The following TNS1 variants were observed in gnomAD, a reference collection of about 807,000 sequenced individuals.
TNS1 encodes the protein tensin 1.
Under a neutral mutation model 168.6 loss-of-function variants are expected in TNS1, and 62 were observed. That is an observed-to-expected ratio of 0.37 (90% confidence interval 0.30 to 0.45). The LOEUF (loss-of-function observed/expected upper bound fraction) is 0.45, where lower values mean the gene tolerates loss of function less well. Among genes scored for constraint, TNS1 ranks in the 20% least tolerant of loss-of-function variants. The pLI is 1.00. For missense variants in TNS1, 2,240 were observed against 2,339.4 expected (o/e 0.96, Z 0.88); for synonymous variants, 934 against 933.2 (o/e 1.00, Z -0.02).
At chr2:217,906,161 C>A (rs1267763032) in intron 6 of TNS1, among the ~76,000 whole-genome samples, 174 bp downstream of exon 6, 2 of 152,216 alleles carry the variant, frequency 1.3e-5, no homozygotes, top group Non-Finnish European at 2.9e-5. Context: ...GAGGCAGCAC[C>A]AAAGGCTGAG....
chr2:217,890,857 C>T, intron 12 of TNS1, 105 bp downstream of exon 12: 1 of 1,284,938 alleles, frequency 7.8e-7, no homozygotes, highest in Non-Finnish European at 1.1e-6. Context: ...CTGGTACACC[C>T]CCACCTAGGC....
At chr2:218,002,535 A>T (rs1356955887) in intron 1 of TNS1, among the ~76,000 whole-genome samples, 2 of 142,304 alleles carry the variant, frequency 1.4e-5, no homozygotes, top group Non-Finnish European at 3.1e-5. Flanking sequence ...CTCTAAAGAG[A>T]AGCAAACTTC....
intron 2 of TNS1, among the ~76,000 whole-genome samples, chr2:217,984,281 G>A (rs1958133811): frequency 6.6e-6 from 1 of 152,202 alleles, no homozygotes; most frequent in Admixed American, 6.5e-5. Context: ...GGGGGACATG[G>A]TGTGGCTCTG....
intron 1 of TNS1, among the ~76,000 whole-genome samples, chr2:218,031,941 C>T (rs1335303170): frequency 6.6e-6 from 1 of 152,238 alleles, no homozygotes; most frequent in Non-Finnish European, 1.5e-5. Context: ...GCTCCCGCCC[C>T]ATCCACAAGC....
intron 3 of TNS1, among the ~76,000 whole-genome samples, chr2:217,922,250 G>A (rs1462876465): frequency 1.3e-5 from 2 of 152,190 alleles, no homozygotes; most frequent in Non-Finnish European, 2.9e-5. Context: ...CTCAGCTACG[G>A]GGGACACTGC....
intron 12 of TNS1, among the ~76,000 whole-genome samples, chr2:217,888,005 C>T (rs1328418438): frequency 2.0e-5 from 3 of 152,228 alleles, no homozygotes; most frequent in African/African-American, 7.2e-5. Context: ...ATAAGATCCC[C>T]TCCTGTCTCT....
intron 1 of TNS1, among the ~76,000 whole-genome samples, chr2:218,023,714 C>G (rs1280006012): frequency 6.6e-6 from 1 of 152,224 alleles, no homozygotes; most frequent in Non-Finnish European, 1.5e-5. Flanking sequence ...CGGAGGCTCA[C>G]AGTATCAGTC....
chr2:217,799,896 C>T lies in TNS1; in HGVS notation c.*4563G>A, dbSNP rs1937219774. 2 of 152,144 alleles carry T rather than the reference C, an allele frequency of 1.3e-5. No individual in the cohort carries two copies. The highest frequency in any genetic ancestry group is 1.3e-4 in the Admixed American group (2 of 15,282). 9.4% of individuals were successfully genotyped at this position (152,144 alleles called of 1,614,324 possible). A position where few individuals can be genotyped will look rare whatever the true frequency, so the allele number is the denominator to read the frequency against. ...CGTCAGTGTACAATACATTCATGTCCAGGATAAGGAGCATACACCAGGATT... is the reference window on the plus strand; with the variant it reads ...CGTCAGTGTACAATACATTCATGTCTAGGATAAGGAGCATACACCAGGATT... On this transcript the variant is annotated 3_prime_UTR_variant, in exon 33 of 33. Transcript: ENST00000682258.
intron 27 of TNS1, 25 bp from the exon 28 acceptor site, chr2:217,812,470 A>C: frequency 1.2e-6 from 2 of 1,604,956 alleles, no homozygotes; most frequent in Non-Finnish European, 1.7e-6. Context: ...ACGGCATGTC[A>C]TGGGCAGTGA....
chr2:217,966,723 T>C (rs1418183431), intron 3 of TNS1, among the ~76,000 whole-genome samples: 1 of 152,116 alleles, frequency 6.6e-6, no homozygotes, highest in African/African-American at 2.4e-5. Flanking sequence ...CACTGACCCA[T>C]TGCTCTCCCC....
rs1039206188 is a variant in TNS1, at chr2:217,894,622, A to G, written c.594+384T>C. Among the ~76,000 whole-genome samples the G allele has an allele frequency of 8.5e-4, 129 of 152,228 alleles. 1 individual carries two copies. Among genetic ancestry groups the G allele is most frequent in the African/African-American group, 2.9e-3 (119 of 41,536 alleles). On this transcript the variant is annotated intron_variant, in intron 9 of 32. Coordinates refer to ENST00000682258, the MANE Select transcript of TNS1 (RefSeq NM_001387777.1). The stretch of plus-strand genomic sequence containing the variant: ...TAGTGAGCTGAGATCACGCCACTGC[A>G]CTCCAGCCTGGGCGACAGAGGGGGA...
Position 217,849,851 on chromosome 2 carries a change from GC to G in TNS1, c.1430-765del, listed in dbSNP as rs1947224146. The G allele has an allele frequency of 2.7e-5, 27 of 985,294 alleles. No individual in the cohort carries two copies. In the South Asian group the frequency reaches 1.2e-3, roughly 43 times the overall value. The allele number at this position is 985,294 out of a possible 1,614,324, so 61.0% of individuals were successfully genotyped here. A position where few individuals can be genotyped will look rare whatever the true frequency, so the allele number is the denominator to read the frequency against. Reference sequence around the variant, plus strand: ...GGAGGGCAGTAGGGTGCAGCAAAGGGCCCCACCATGCCCAAGGTGGTGGTGG... The same window carrying G: ...GGAGGGCAGTAGGGTGCAGCAAAGGGCCCACCATGCCCAAGGTGGTGGTGG... On this transcript the variant is annotated intron_variant, in intron 18 of 32. Coordinates refer to ENST00000682258, the MANE Select transcript of TNS1 (RefSeq NM_001387777.1).
chr2:217,905,765 G>T (rs186397290), intron 6 of TNS1, among the ~76,000 whole-genome samples: 1 of 152,178 alleles, frequency 6.6e-6, no homozygotes, highest in African/African-American at 2.4e-5. Flanking sequence ...AAGAGACCCC[G>T]AGCCCTTCTG....
At chr2:217,888,036 A>G (rs1352230312) in intron 12 of TNS1, among the ~76,000 whole-genome samples, 1 of 152,188 alleles carries the variant, frequency 6.6e-6, no homozygotes, top group Admixed American at 6.5e-5. Flanking sequence ...GCCCACCTCC[A>G]AGCCTGTGGG....
At chr2:217,967,172 T>A (rs1957666687) in intron 3 of TNS1, among the ~76,000 whole-genome samples, 2 of 151,830 alleles carry the variant, frequency 1.3e-5, no homozygotes, top group African/African-American at 2.4e-5. Context: ...ACAAAAAAAA[T>A]TAGCCAGGCT....
chr2:217,828,074 ACT>A (rs1436722125), intron 22 of TNS1, among the ~76,000 whole-genome samples: 1 of 151,514 alleles, frequency 6.6e-6, no homozygotes, highest in Non-Finnish European at 1.5e-5. Context: ...CTAATTCTAG[ACT>A]CTCTCTCCCA....
intron 1 of TNS1, among the ~76,000 whole-genome samples, chr2:218,022,162 G>T (rs532147562): frequency 6.6e-6 from 1 of 152,102 alleles, no homozygotes; most frequent in Non-Finnish European, 1.5e-5. Flanking sequence ...GAGGAGGAGA[G>T]GGGGCAGGAG....
chr2:217,844,723 GTTCCAGTTCTTTT>G (rs1946416021), intron 19 of TNS1, among the ~76,000 whole-genome samples: 1 of 152,216 alleles, frequency 6.6e-6, no homozygotes, highest in Non-Finnish European at 1.5e-5. Flanking sequence ...CTATTTTAAA[GTTCCAGTTCTTTT>G]TTCCCCCTAT....
intron 19 of TNS1, among the ~76,000 whole-genome samples, chr2:217,837,578 C>T (rs1322538016): frequency 6.6e-6 from 1 of 152,246 alleles, no homozygotes; most frequent in Non-Finnish European, 1.5e-5. Context: ...CTGGCATTTG[C>T]ACATTAAATG....
Sources: allele counts gnomAD v4.1 joint callset (sites outside exome capture counted in the v4.1 genomes callset), GRCh38; gene constraint gnomAD v4.1.1; transcripts MANE v1.5; gene names NCBI Gene and HGNC (gene_info 2026-07-23, HGNC 2026-07-21).